Variants in TCERG1L observed in about 807,000 individuals in gnomAD.
The protein encoded by TCERG1L is transcription elongation regulator 1 like.
In TCERG1L, 37 loss-of-function variants were observed where a neutral mutation model predicts 56.3. That is an observed-to-expected ratio of 0.66 (90% CI 0.51 to 0.87). The LOEUF (loss-of-function observed/expected upper bound fraction) is 0.87, where lower values mean the gene tolerates loss of function less well. TCERG1L is among the 40% of genes least tolerant of loss of function. TCERG1L has a pLI of 0.00. For synonymous variants in TCERG1L, 324 were observed against 326.3 expected (o/e 0.99, Z 0.08); for missense variants, 799 against 774.2 (o/e 1.03, Z -0.38).
At chr10:131,227,146 C>T (rs1250447653) in intron 4 of TCERG1L, among the ~76,000 whole-genome samples, 3 of 152,252 alleles carry the variant, frequency 2.0e-5, no homozygotes, top group Non-Finnish European at 4.4e-5. Context: ...AGGGCATGGC[C>T]ATGGGCCCTA....
intron 4 of TCERG1L, among the ~76,000 whole-genome samples, chr10:131,218,845 G>T (rs1845701322): frequency 6.6e-6 from 1 of 152,154 alleles, no homozygotes; most frequent in Non-Finnish European, 1.5e-5. Flanking sequence ...TGGGGCCGTG[G>T]TCATGTGGCC....
intron 4 of TCERG1L, among the ~76,000 whole-genome samples, chr10:131,233,002 A>C (rs1228895742): frequency 6.6e-6 from 1 of 152,254 alleles, no homozygotes; most frequent in Non-Finnish European, 1.5e-5. Context: ...GCCAATTTTA[A>C]ATATCACAAG....
intron 9 of TCERG1L, among the ~76,000 whole-genome samples, chr10:131,109,844 G>C (rs574304393): frequency 1.3e-5 from 2 of 152,236 alleles, no homozygotes; most frequent in Non-Finnish European, 2.9e-5. Flanking sequence ...AGTGGAAGAA[G>C]CCAGAGCTGG....
intron 10 of TCERG1L, among the ~76,000 whole-genome samples, chr10:131,102,702 CAA>C (rs1274358866): frequency 6.6e-6 from 1 of 152,090 alleles, no homozygotes; most frequent in Non-Finnish European, 1.5e-5. Context: ...ACTCAAAGGG[CAA>C]AGAGAGGGCA....
chr10:131,108,308 C>T (rs1010903190), intron 9 of TCERG1L, among the ~76,000 whole-genome samples: 14 of 152,306 alleles, frequency 9.2e-5, no homozygotes, highest in Admixed American at 3.9e-4. Context: ...CTGTGGGCTG[C>T]TTTCTGGGAT....
chr10:131,187,193 T>C (rs1452509731), intron 4 of TCERG1L, among the ~76,000 whole-genome samples: 1 of 152,222 alleles, frequency 6.6e-6, no homozygotes, highest in African/African-American at 2.4e-5. Context: ...GTGACCTCAG[T>C]GCCAGCAGAG....
At chr10:131,170,935 CAA>C (rs1846084439) in intron 4 of TCERG1L, among the ~76,000 whole-genome samples, 1 of 152,140 alleles carries the variant, frequency 6.6e-6, no homozygotes, top group Non-Finnish European at 1.5e-5. Flanking sequence ...ATCACGAGGT[CAA>C]GAGTTCAAGA....
At chr10:131,274,267 C>T (rs530741723) in intron 3 of TCERG1L, among the ~76,000 whole-genome samples, 7 of 152,306 alleles carry the variant, frequency 4.6e-5, no homozygotes, top group Non-Finnish European at 5.9e-5. Context: ...GCAAGCAGAA[C>T]GCAGCCTTTG....
intron 4 of TCERG1L, among the ~76,000 whole-genome samples, chr10:131,213,698 G>A (rs1845640212): frequency 1.3e-5 from 2 of 152,240 alleles, no homozygotes; most frequent in Non-Finnish European, 2.9e-5. Flanking sequence ...CAGGCACAAG[G>A]AGGGCCTCTC....
intron 3 of TCERG1L, among the ~76,000 whole-genome samples, chr10:131,286,547 T>C (rs1283146509): frequency 6.6e-6 from 1 of 152,210 alleles, no homozygotes; most frequent in African/African-American, 2.4e-5. Context: ...GTTTCATATC[T>C]AACAAATATG....
intron 5 of TCERG1L, 130 bp from the exon 6 acceptor site, chr10:131,163,340 T>C: frequency 2.9e-6 from 2 of 688,468 alleles, no homozygotes; most frequent in South Asian, 4.3e-5. Context: ...GATAATGACC[T>C]CAGCACGGCA....
intron 8 of TCERG1L, among the ~76,000 whole-genome samples, chr10:131,121,224 A>C (rs1315822162): frequency 6.6e-6 from 1 of 152,176 alleles, no homozygotes; most frequent in Admixed American, 6.5e-5. Flanking sequence ...ATGTGGGGAA[A>C]GTGCTGACAT....
chr10:131,284,617 A>G (rs1170386812), intron 3 of TCERG1L, among the ~76,000 whole-genome samples: 1 of 152,134 alleles, frequency 6.6e-6, no homozygotes, highest in Non-Finnish European at 1.5e-5. Flanking sequence ...TCTTTGAAGA[A>G]CTAATAAAAT....
At chr10:131,173,257 C>T (rs575734672) in intron 4 of TCERG1L, among the ~76,000 whole-genome samples, 158 of 152,208 alleles carry the variant, frequency 1.0e-3, no homozygotes, top group African/African-American at 3.4e-3. Context: ...TTCCAAGATG[C>T]TGAGATAAAG....
intron 3 of TCERG1L, among the ~76,000 whole-genome samples, chr10:131,307,417 T>A (rs1291353117): frequency 1.3e-5 from 2 of 152,178 alleles, no homozygotes; most frequent in African/African-American, 4.8e-5. Flanking sequence ...TATTACTAAA[T>A]TTTAGAGACA....
intron 4 of TCERG1L, among the ~76,000 whole-genome samples, chr10:131,169,941 TA>T (rs10717121): frequency 0.39 from 59,693 of 152,008 alleles, 14,636 homozygotes; most frequent in African/African-American, 0.7. Context: ...GTTGATCTTG[TA>T]AAAAATCAGA....
chr10:131,093,457 G>A (rs1044600931), intron 11 of TCERG1L, 139 bp from the exon 12 acceptor site: 5 of 995,062 alleles, frequency 5.0e-6, no homozygotes, highest in African/African-American at 3.2e-5. Context: ...CCCGGTGGGT[G>A]AGCGGCTCTG....
intron 4 of TCERG1L, among the ~76,000 whole-genome samples, chr10:131,180,957 T>C (rs1375152828): frequency 3.3e-5 from 5 of 152,128 alleles, no homozygotes; most frequent in Admixed American, 6.5e-5. Context: ...TGAAGGGAAG[T>C]CGCATCCCTG....
chr10:131,164,772 C>T (rs1007776714), intron 5 of TCERG1L, among the ~76,000 whole-genome samples: 6 of 152,174 alleles, frequency 3.9e-5, no homozygotes, highest in African/African-American at 1.2e-4. Context: ...TTTCTACCAT[C>T]GTTGATGTTG....
Sources: allele counts gnomAD v4.1 joint callset (sites outside exome capture counted in the v4.1 genomes callset), GRCh38; gene constraint gnomAD v4.1.1; transcripts MANE v1.5; gene names NCBI Gene and HGNC (gene_info 2026-07-23, HGNC 2026-07-21).